The following USH2A variants were observed in gnomAD, a reference collection of about 807,000 sequenced individuals.
USH2A encodes Usher syndrome 2A (autosomal recessive, mild).
A neutral mutation model predicts 538.9 loss-of-function variants in USH2A; 443 were observed. That is an observed-to-expected ratio of 0.82 (90% confidence interval 0.76 to 0.89). The LOEUF (loss-of-function observed/expected upper bound fraction) is 0.89, where lower values mean the gene tolerates loss of function less well. Ranked by LOEUF, USH2A falls within the 40% of genes least tolerant of loss-of-function variation. The pLI, the probability that USH2A is intolerant of heterozygous loss-of-function variation, is 0.00. For synonymous variants in USH2A, 2,413 were observed against 2,273.5 expected (o/e 1.06, Z -1.75); for missense variants, 6,633 against 6,324.8 (o/e 1.05, Z -1.65).
intron 4 of USH2A, 149 bp from the exon 5 acceptor site, chr1:216,327,803 G>A (rs2037765555): frequency 2.2e-6 from 2 of 904,464 alleles, no homozygotes; most frequent in South Asian, 2.9e-5. Context: ...TCAATCTCTA[G>A]TTTGCTAATT....
chr1:216,421,728 G>T, intron 2 of USH2A, 124 bp downstream of exon 2: 2 of 1,443,686 alleles, frequency 1.4e-6, no homozygotes, highest in Non-Finnish European at 1.9e-6. Context: ...AACTGGAAGA[G>T]TTAGTCTTCA....
intron 3 of USH2A, among the ~76,000 whole-genome samples, chr1:216,370,661 G>A (rs1323092316): frequency 2.0e-5 from 1 of 50,328 alleles, no homozygotes; most frequent in Non-Finnish European, 3.9e-5. Flanking sequence ...TTGGGGAACA[G>A]AGCCAGACTC....
At chr1:216,054,569 A>C (rs2030909102) in intron 30 of USH2A, among the ~76,000 whole-genome samples, 1 of 152,112 alleles carries the variant, frequency 6.6e-6, no homozygotes, top group Non-Finnish European at 1.5e-5. Context: ...TAAGACACAA[A>C]GCAAAATGGA....
At chr1:215,749,451 T>C (rs928391264) in intron 58 of USH2A, among the ~76,000 whole-genome samples, 1 of 152,214 alleles carries the variant, frequency 6.6e-6, no homozygotes, top group African/African-American at 2.4e-5. Context: ...AATGCTCCTC[T>C]AAGCTGTGAA....
At chr1:216,224,798 G>T (rs2035528686) in intron 14 of USH2A, among the ~76,000 whole-genome samples, 1 of 152,102 alleles carries the variant, frequency 6.6e-6, no homozygotes, top group Admixed American at 6.5e-5. Context: ...GGCAGATAAG[G>T]AAGTGAGGTT....
chr1:216,035,761 A>C (rs1170002671), intron 32 of USH2A, among the ~76,000 whole-genome samples: 3 of 152,266 alleles, frequency 2.0e-5, no homozygotes, highest in South Asian at 2.1e-4. Context: ...CTAAAATATT[A>C]ATTTACTGAG....
chr1:215,965,439 A>G lies in USH2A; in HGVS notation c.6998T>C (p.Val2333Ala), dbSNP rs144817385. Residue 2333 changes from valine to alanine, a missense_variant, in exon 37 of 72, where the codon GTA (valine) becomes GCA (alanine). Val to Ala is a moderately conservative substitution (Grantham distance 64). Transcript: ENST00000307340. ...RTLEAPPEGT[V>A]NVFVKTQGSR... ...TCCCTGTGTTTTGACAAACACATTTACTGTTCCTTCAGGAGGAGCTTCTAG... is the reference window on the plus strand; with the variant it reads ...TCCCTGTGTTTTGACAAACACATTTGCTGTTCCTTCAGGAGGAGCTTCTAG... 245 of 1,613,778 alleles carry G rather than the reference A, an allele frequency of 1.5e-4. No individual in the cohort carries two copies. In the East Asian group the frequency reaches 3.5e-3, roughly 23 times the overall value.
chr1:215,903,860 G>C (rs1384112141), intron 38 of USH2A, among the ~76,000 whole-genome samples: 1 of 152,092 alleles, frequency 6.6e-6, no homozygotes, highest in Non-Finnish European at 1.5e-5. Flanking sequence ...AGTGCAAGAA[G>C]ATTGCTGTCC....
chr1:215,954,910 A>G (rs1198698734), intron 37 of USH2A, among the ~76,000 whole-genome samples: 1 of 151,980 alleles, frequency 6.6e-6, no homozygotes, highest in Non-Finnish European at 1.5e-5. Context: ...CCTCAAATCC[A>G]CCACAATTTT....
At chr1:215,873,763 G>A (rs530200055) in intron 43 of USH2A, among the ~76,000 whole-genome samples, 13 of 145,244 alleles carry the variant, frequency 9.0e-5, no homozygotes, top group Non-Finnish European at 1.9e-4. Context: ...GTGGATTCTC[G>A]AGGAATCACA....
chr1:215,634,317 G>T, intron 70 of USH2A, 142 bp downstream of exon 70: 1 of 1,349,648 alleles, frequency 7.4e-7, no homozygotes, highest in Non-Finnish European at 1.0e-6. Flanking sequence ...TCTAGGGTTA[G>T]CCTCTCTTGG....
At chr1:216,036,007 T>C (rs1238608328) in intron 32 of USH2A, among the ~76,000 whole-genome samples, 4 of 152,162 alleles carry the variant, frequency 2.6e-5, no homozygotes, top group Admixed American at 1.3e-4. Context: ...GAATTTGATA[T>C]GGAAGAGTCT....
chr1:215,758,522 T>C (rs1333849110), intron 58 of USH2A, 73 bp downstream of exon 58: 2 of 1,534,550 alleles, frequency 1.3e-6, no homozygotes, highest in Admixed American at 1.7e-5. Flanking sequence ...AAATTAACAG[T>C]TCTATTCTTA....
At chr1:216,421,368 TCAAA>T (rs2102787601) in intron 2 of USH2A, among the ~76,000 whole-genome samples, 1 of 152,180 alleles carries the variant, frequency 6.6e-6, no homozygotes, top group African/African-American at 2.4e-5. Flanking sequence ...CTTCCATGAG[TCAAA>T]CAAACAGCTC....
chr1:216,001,139 TCTC>T (rs1253965541), intron 32 of USH2A, among the ~76,000 whole-genome samples: 1 of 152,146 alleles, frequency 6.6e-6, no homozygotes, highest in African/African-American at 2.4e-5. Flanking sequence ...ATTAGCCTCT[TCTC>T]TTTCTCTTTG....
rs546278837 is a variant in USH2A, at chr1:216,296,896, G to A, written c.1645-4526C>T. Among the ~76,000 whole-genome samples the A allele has an allele frequency of 2.0e-5, 3 of 152,024 alleles. No homozygotes were observed. The East Asian group carries it at 5.8e-4, about 30-fold the overall frequency. ...TTAGAGATTTAGGTACAGGCTGGGA[G>A]TCAGACAGCTTAGTTCTATTATTGG... On this transcript the variant is annotated intron_variant, in intron 9 of 71. Coordinates refer to ENST00000307340, the MANE Select transcript of USH2A (RefSeq NM_206933.4).
In USH2A at chr1:216,245,866, T is replaced by C. The variant is rs1164870801; in HGVS notation, c.2809+719A>G. Among the ~76,000 whole-genome samples, 3 of 152,180 alleles carry C rather than the reference T, an allele frequency of 2.0e-5. No homozygotes were observed. In the East Asian group the frequency reaches 5.8e-4, roughly 29 times the overall value. Reference sequence around the variant, plus strand: ...GCTCATTTTTATAGACCCATATAACTCAGAGCTAATATTGGCTGACAGGAC... The same window carrying C: ...GCTCATTTTTATAGACCCATATAACCCAGAGCTAATATTGGCTGACAGGAC... On this transcript the variant is annotated intron_variant, in intron 13 of 71. Coordinates refer to ENST00000307340, the MANE Select transcript of USH2A (RefSeq NM_206933.4).
In USH2A at chr1:215,965,274, T is replaced by G. The variant is rs1389878545; in HGVS notation, c.7120+43A>C. 1.9e-6 allele frequency: 3 copies of G among 1,572,918 alleles called. No individual in the cohort carries two copies. The Admixed American group carries it at 5.3e-5, about 28-fold the overall frequency. ...AAAGATTTTAAATAAAAATGAGTTG[T>G]TTTCTAATGTTATTTAAAGTTTAGA... On this transcript the variant is annotated intron_variant, in intron 37 of 71. Transcript: ENST00000307340.
intron 11 of USH2A, among the ~76,000 whole-genome samples, chr1:216,288,828 A>G (rs2036939785): frequency 6.6e-6 from 1 of 152,150 alleles, no homozygotes; most frequent in Non-Finnish European, 1.5e-5. Context: ...AATCCATTGT[A>G]CTTTTAAGAG....
Sources: allele counts gnomAD v4.1 joint callset (sites outside exome capture counted in the v4.1 genomes callset), GRCh38; gene constraint gnomAD v4.1.1; transcripts MANE v1.5; gene names NCBI Gene and HGNC (gene_info 2026-07-23, HGNC 2026-07-21).